Variants in CSNK2A1 observed in about 807,000 individuals in gnomAD.
The protein encoded by CSNK2A1 is casein kinase II subunit alpha.
Under a neutral mutation model 62.9 loss-of-function variants are expected in CSNK2A1, and 10 were observed. That is an observed-to-expected ratio of 0.16 (90% CI 0.10 to 0.27). The LOEUF (loss-of-function observed/expected upper bound fraction) is 0.27. Among genes scored for constraint, CSNK2A1 ranks in the 10% least tolerant of loss-of-function variants. CSNK2A1 has a pLI of 1.00. For synonymous variants in CSNK2A1, 124 were observed against 167.8 expected, an observed-to-expected ratio of 0.74 and a Z score of 2.02; for missense variants, 160 against 492.0, an observed-to-expected ratio of 0.33 and a Z score of 6.38.
rs556695246 is a variant in CSNK2A1, at chr20:532,182, T to C, written c.-226-4133A>G. On this transcript the variant is annotated intron_variant, in intron 1 of 13. Coordinates refer to ENST00000217244, the MANE Select transcript of CSNK2A1 (RefSeq NM_177559.3). ...CTAAACTTTTAACTTTTTTTTTTTTTGAGATGGAGTCTCGCTCTGTCGCCA... is the reference window on the plus strand; with the variant it reads ...CTAAACTTTTAACTTTTTTTTTTTTCGAGATGGAGTCTCGCTCTGTCGCCA... Among the ~76,000 whole-genome samples, 20 of 152,164 alleles carry C rather than the reference T, an allele frequency of 1.3e-4. No homozygotes were observed. The South Asian group carries it at 2.3e-3, about 17-fold the overall frequency.
At chr20:523,872 A>AC (rs1270043250) in intron 2 of CSNK2A1, among the ~76,000 whole-genome samples, 1 of 150,796 alleles carries the variant, frequency 6.6e-6, no homozygotes, top group African/African-American at 2.4e-5. Context: ...AAAAAAAAAA[A>AC]AAAAAAAAAC....
chr20:538,029 T>C (rs546261977), intron 1 of CSNK2A1, among the ~76,000 whole-genome samples: 10 of 151,874 alleles, frequency 6.6e-5, no homozygotes, highest in African/African-American at 1.9e-4. Flanking sequence ...TGGCGTGATC[T>C]TGACTCACTG....
intron 13 of CSNK2A1, among the ~76,000 whole-genome samples, chr20:484,486 A>G (rs1432352134): frequency 3.3e-5 from 5 of 152,210 alleles, no homozygotes; most frequent in African/African-American, 9.6e-5. Context: ...ATTGTAATTA[A>G]ATAGCCTCAC....
At chr20:532,853 G>A (rs1033202379) in intron 1 of CSNK2A1, among the ~76,000 whole-genome samples, 4 of 152,086 alleles carry the variant, frequency 2.6e-5, no homozygotes, top group African/African-American at 9.7e-5. Flanking sequence ...CTATTTGGAG[G>A]TCACTGACAC....
rs1011711423 is a variant in CSNK2A1, at chr20:492,380, C to G, written c.511-16G>C. ...TTAGTCGTAGCTGAAAAAGAATAAA[C>G]CATGAGCAATCTTATCTTTCTCTAA... On this transcript the variant is annotated splice_polypyrimidine_tract_variant and intron_variant, in intron 8 of 13. Transcript: ENST00000217244. The G allele has an allele frequency of 3.1e-6, 5 of 1,612,864 alleles. No individual in the cohort carries two copies. The highest frequency in any genetic ancestry group is 4.2e-6 in the Non-Finnish European group (5 of 1,179,012).
intron 2 of CSNK2A1, among the ~76,000 whole-genome samples, chr20:520,975 T>TG (rs956116896): frequency 1.4e-4 from 21 of 151,928 alleles, no homozygotes; most frequent in African/African-American, 3.4e-4. Flanking sequence ...ACTCTACCTC[T>TG]GGGGGGGAAA....
chr20:543,783 G>A lies in CSNK2A1; in HGVS notation c.-338C>T, dbSNP rs2019507877. On this transcript the variant is annotated 5_prime_UTR_variant, in exon 1 of 14. Transcript: ENST00000217244. ...TCGGCCGCCAGCCGCAGGGACCAGAGCGAGGCTGCAGCCGCTGCTGCCGGA... is the reference window on the plus strand; with the variant it reads ...TCGGCCGCCAGCCGCAGGGACCAGAACGAGGCTGCAGCCGCTGCTGCCGGA... The A allele has an allele frequency of 5.0e-6, 2 of 398,406 alleles. No homozygotes were observed. 24.7% of individuals were successfully genotyped at this position (398,406 alleles called of 1,614,324 possible).
chr20:497,004 A>G (rs1283972034), intron 7 of CSNK2A1, among the ~76,000 whole-genome samples: 7 of 152,196 alleles, frequency 4.6e-5, no homozygotes, highest in Admixed American at 3.9e-4. Context: ...ATTAACTTAC[A>G]TAGGGGCCAC....
chr20:525,836 T>TA (rs397864425), intron 2 of CSNK2A1, among the ~76,000 whole-genome samples: 4,831 of 70,982 alleles, frequency 0.068, 159 homozygotes, highest in Admixed American at 0.13. Flanking sequence ...TTAAAACTAT[T>TA]AAAAAAAAAA....
intron 1 of CSNK2A1, among the ~76,000 whole-genome samples, chr20:531,233 T>G (rs1231329408): frequency 6.6e-6 from 1 of 152,238 alleles, no homozygotes; most frequent in Non-Finnish European, 1.5e-5. Flanking sequence ...CAGGTAGGTC[T>G]GTCTGTCTGG....
At chr20:485,111 T>TAATAATAATAATAATAATAATAATAATA (rs1568496684) in intron 13 of CSNK2A1, among the ~76,000 whole-genome samples, 1 of 27,774 alleles carries the variant, frequency 3.6e-5, no homozygotes, top group African/African-American at 1.5e-4. Context: ...AAAAAAAAAA[T>TAATAATAATAATAATAATAATAATAATA]ATATATATAT....
Position 516,996 on chromosome 20 carries a change from G to A in CSNK2A1, c.-109-8336C>T, listed in dbSNP as rs1195534034. ...TGCACTGACTGCATGGTTTAGGACT[G>A]CTTGTTTAGAGGAAAAGCAGCTATA... On this transcript the variant is annotated intron_variant, in intron 2 of 13. Transcript: ENST00000217244. 2.6e-5 allele frequency among the ~76,000 whole-genome samples: 4 copies of A among 152,222 alleles called. No individual in the cohort carries two copies. The East Asian group carries it at 7.7e-4, about 29-fold the overall frequency.
rs756354622 is a variant in CSNK2A1 at position 495,702 on chromosome 20, T to C, written c.510+17A>G. On this transcript the variant is annotated intron_variant, in intron 8 of 13. Coordinates refer to ENST00000217244, the MANE Select transcript of CSNK2A1 (RefSeq NM_177559.3). ...ACATCATGTAGATAAATAACACTTG[T>C]CAGCCTATCACTTTACCTTTCTGTG... 7 of 1,609,318 alleles carry C rather than the reference T, an allele frequency of 4.3e-6. No individual in the cohort carries two copies. The highest frequency in any genetic ancestry group is 4.3e-6 in the Non-Finnish European group (5 of 1,175,780).
intron 7 of CSNK2A1, 79 bp from the exon 8 acceptor site, chr20:495,881 T>C: frequency 1.6e-6 from 2 of 1,288,164 alleles, no homozygotes; most frequent in Non-Finnish European, 2.3e-6. Flanking sequence ...ATGTAAATTT[T>C]CCTTTTAGCC....
intron 11 of CSNK2A1, chr20:488,286 T>A (rs1160925116): frequency 5.3e-6 from 1 of 187,520 alleles, no homozygotes; most frequent in African/African-American, 2.4e-5. Flanking sequence ...ATTACAGATA[T>A]GAGCCACCGT....
At position 494,692 on chromosome 20, in the gene CSNK2A1, C is replaced by G. The variant is rs111575546; in HGVS notation, c.510+1027G>C. The G allele has an allele frequency of 4.8e-4, 73 of 152,362 alleles. 1 individual carries two copies. The highest frequency in any genetic ancestry group is 1.8e-3 in the African/African-American group (73 of 41,594). 9.4% of individuals were successfully genotyped at this position (152,362 alleles called of 1,614,324 possible). A position where few individuals can be genotyped will look rare whatever the true frequency, so the allele number is the denominator to read the frequency against. ...CTCTATCTTCAGAGAAAAGGCCTAA[C>G]AATGACCAATAAGGTTTTACATGAT... is the stretch of plus-strand genomic sequence containing the variant. On this transcript the variant is annotated intron_variant, in intron 8 of 13. Coordinates refer to ENST00000217244, the MANE Select transcript of CSNK2A1 (RefSeq NM_177559.3).
At chr20:533,911 T>TA (rs1313303028) in intron 1 of CSNK2A1, among the ~76,000 whole-genome samples, 1 of 152,196 alleles carries the variant, frequency 6.6e-6, no homozygotes. Context: ...TCTCTTACAA[T>TA]ATAGTCATCA....
chr20:529,504 T>A (rs1413847912), intron 1 of CSNK2A1, among the ~76,000 whole-genome samples: 1 of 152,206 alleles, frequency 6.6e-6, no homozygotes, highest in African/African-American at 2.4e-5. Context: ...GTCTTCAAGT[T>A]ACCCTTATTT....
intron 2 of CSNK2A1, among the ~76,000 whole-genome samples, chr20:515,370 G>A (rs966634730): frequency 3.9e-5 from 6 of 152,180 alleles, no homozygotes; most frequent in African/African-American, 1.4e-4. Context: ...TCATTCAAAC[G>A]AAGATTCTGA....
Sources: gnomAD v4.1 joint callset for allele counts (sites outside exome capture counted in the v4.1 genomes callset) on GRCh38, gnomAD v4.1.1 for gene constraint, MANE v1.5 for transcripts, NCBI Gene and HGNC (gene_info 2026-07-23, HGNC 2026-07-21) for gene names.